Variants in PIEZO2 observed in about 807,000 individuals in gnomAD.
PIEZO2 encodes the protein piezo type mechanosensitive ion channel component 2, also known as piezo-type mechanosensitive ion channel component 2.
A neutral mutation model predicts 337.3 loss-of-function variants in PIEZO2; 172 were observed. That is an observed-to-expected ratio of 0.51 (90% CI 0.45 to 0.58). The LOEUF (loss-of-function observed/expected upper bound fraction) is 0.58, where lower values mean the gene tolerates loss of function less well. PIEZO2 is among the 20% of genes least tolerant of loss of function. PIEZO2 has a pLI of 0.00. For missense variants in PIEZO2, 3,028 were observed against 3,391.3 expected (o/e 0.89, Z 2.66); for synonymous variants, 1,251 against 1,228.5 (o/e 1.02, Z -0.38).
At chr18:10,968,440 T>C (rs1030659676) in intron 3 of PIEZO2, among the ~76,000 whole-genome samples, 2 of 152,192 alleles carry the variant, frequency 1.3e-5, no homozygotes, top group African/African-American at 4.8e-5. Context: ...TGGACACTTT[T>C]TTGGTTCCAT....
intron 3 of PIEZO2, among the ~76,000 whole-genome samples, chr18:10,934,512 T>A (rs987782675): frequency 6.6e-6 from 1 of 152,218 alleles, no homozygotes; most frequent in Non-Finnish European, 1.5e-5. Context: ...TTCATTCCTA[T>A]TTTTAAATTT....
intron 5 of PIEZO2, among the ~76,000 whole-genome samples, chr18:10,866,429 G>A (rs1598604151): frequency 6.6e-6 from 1 of 152,128 alleles, no homozygotes; most frequent in African/African-American, 2.4e-5. Flanking sequence ...GGGACTACAG[G>A]CACCCGCCAC....
intron 1 of PIEZO2, among the ~76,000 whole-genome samples, chr18:11,142,860 C>T (rs746392125): frequency 2.0e-5 from 3 of 150,956 alleles, no homozygotes; most frequent in Admixed American, 6.6e-5. Context: ...CGGGGGATCA[C>T]GAGGTCAGGA....
chr18:10,979,622 T>C lies in PIEZO2; in HGVS notation c.199A>G (p.Ser67Gly). The change falls in exon 3 of 56, where the codon AGT (serine) becomes GGT (glycine). Residue 67 changes from serine to glycine, a missense_variant. By Grantham distance (56) the Ser-to-Gly change is moderately conservative (BLOSUM62 0). This residue lies in a region of PIEZO2 where 542 missense variants were observed against 605.6 expected (regional missense o/e 0.89). Transcript: ENST00000674853. The surrounding 1 kb of genome is among the most constrained non-coding windows in gnomAD (Gnocchi z 4.0). ...ATGTGCAGCAACAGGAAGGAAAGAC[T>C]GATGAAGCACAGAGACTTTAATAAC... ...GRLLKSLCFI[S>G]LSFLLLHIIF... 2 of 1,535,992 alleles carry C rather than the reference T, an allele frequency of 1.3e-6. No individual in the cohort carries two copies. Among genetic ancestry groups the C allele is most frequent in the Non-Finnish European group, 1.7e-6 (2 of 1,145,990 alleles).
Position 10,861,595 on chromosome 18 carries a change from C to G in PIEZO2, c.493-4384G>C, listed in dbSNP as rs2041874455. Among the ~76,000 whole-genome samples, 1 of 152,142 alleles carries G rather than the reference C, an allele frequency of 6.6e-6. No homozygotes were observed. Among genetic ancestry groups the G allele is most frequent in the African/African-American group, 2.4e-5 (1 of 41,422 alleles). ...AGAGTAGAGGGGTAGTTACCAGAGG[C>G]TGGGGAAGGAGGCCAGGGACCTGGA... On this transcript the variant is annotated intron_variant, in intron 5 of 55. Coordinates refer to ENST00000674853, the MANE Select transcript of PIEZO2 (RefSeq NM_001378183.1). The surrounding 1 kb of genome is among the most constrained non-coding windows in gnomAD (Gnocchi z 4.3).
chr18:10,866,395 C>T (rs1432904224), intron 5 of PIEZO2, among the ~76,000 whole-genome samples: 1 of 151,866 alleles, frequency 6.6e-6, no homozygotes, highest in African/African-American at 2.4e-5. Flanking sequence ...AAGCGATTCT[C>T]CTGCCTCAGC....
chr18:10,671,413 A>G lies in PIEZO2; in HGVS notation c.*114T>C. On this transcript the variant is annotated 3_prime_UTR_variant, in exon 56 of 56. Coordinates refer to ENST00000674853, the MANE Select transcript of PIEZO2 (RefSeq NM_001378183.1). ...TATCAGCTCCTTTTGTCTACCTATC[A>G]GAAGAGAAACAAACCATTTCCGTCG... is the stretch of plus-strand genomic sequence containing the variant. 8.5e-7 allele frequency: 1 copy of G among 1,172,068 alleles called. No individual in the cohort carries two copies. Among genetic ancestry groups the G allele is most frequent in the Non-Finnish European group, 1.2e-6 (1 of 858,088 alleles). 72.6% of individuals were successfully genotyped at this position (1,172,068 alleles called of 1,614,324 possible). A position where few individuals can be genotyped will look rare whatever the true frequency, so the allele number is the denominator to read the frequency against.
At chr18:11,051,992 A>C (rs956351839) in intron 2 of PIEZO2, among the ~76,000 whole-genome samples, 1 of 152,180 alleles carries the variant, frequency 6.6e-6, no homozygotes, top group South Asian at 2.1e-4. Context: ...GGCAGTTTCA[A>C]TTTTTCAATA....
At chr18:11,074,768 T>C (rs1334244253) in intron 1 of PIEZO2, among the ~76,000 whole-genome samples, 2 of 152,236 alleles carry the variant, frequency 1.3e-5, no homozygotes, top group African/African-American at 4.8e-5. Context: ...ATAACATTTG[T>C]AAAAATACTT....
At position 10,979,265 on chromosome 18, in the gene PIEZO2, A is replaced by T. The variant is rs12458169; in HGVS notation, c.286+270T>A. ...TCTGTAACTCTTGAATTTTAGGTTAAGCTCAATGAAAATGTCTTACATGCA... is the reference window on the plus strand; with the variant it reads ...TCTGTAACTCTTGAATTTTAGGTTATGCTCAATGAAAATGTCTTACATGCA... On this transcript the variant is annotated intron_variant, in intron 3 of 55. Transcript: ENST00000674853. This position sits in a 1 kb window ranked among gnomAD's most constrained non-coding sequence, Gnocchi z 4.0. Among the ~76,000 whole-genome samples, 30,312 of 151,516 alleles carry T rather than the reference A, an allele frequency of 0.2. 3,832 individuals carry two copies. Among genetic ancestry groups the T allele is most frequent in the Non-Finnish European group, 0.28 (19,202 of 67,868 alleles).
At chr18:10,698,769 C>A (rs1390096120) in intron 44 of PIEZO2, among the ~76,000 whole-genome samples, 156 bp downstream of exon 44, 2 of 152,156 alleles carry the variant, frequency 1.3e-5, no homozygotes, top group South Asian at 4.1e-4. Flanking sequence ...GATTTGAACT[C>A]GGGTTTCTCT....
intron 1 of PIEZO2, among the ~76,000 whole-genome samples, chr18:11,073,478 C>T (rs1284532710): frequency 6.6e-6 from 1 of 152,168 alleles, no homozygotes; most frequent in Non-Finnish European, 1.5e-5. Context: ...ACTGAGATTT[C>T]CACCCAAAAG....
intron 13 of PIEZO2, among the ~76,000 whole-genome samples, chr18:10,792,038 C>G (rs550233092): frequency 6.6e-6 from 1 of 152,328 alleles, no homozygotes; most frequent in South Asian, 2.1e-4. Context: ...CCTCTGCCTC[C>G]TGGATTCAAG....
In PIEZO2 at chr18:10,750,387, C is replaced by T. The variant is rs936775649; in HGVS notation, c.4168-200G>A. Among the ~76,000 whole-genome samples the T allele has an allele frequency of 3.9e-5, 6 of 152,124 alleles. No homozygotes were observed. The highest frequency in any genetic ancestry group is 3.9e-4 in the East Asian group (2 of 5,188). On this transcript the variant is annotated intron_variant, in intron 28 of 55. Transcript: ENST00000674853. The surrounding 1 kb of genome is among the most constrained non-coding windows in gnomAD (Gnocchi z 4.1). ...AATTCCTGGGAAAAATTAAACCTAA[C>T]GAGGAAAGGAAAGGTCTTTCATGTA... is the stretch of plus-strand genomic sequence containing the variant.
At position 10,762,921 on chromosome 18, in the gene PIEZO2, C is replaced by T; in HGVS notation, c.3123+1G>A. On this transcript the variant is annotated splice_donor_variant, in intron 22 of 55. Coordinates refer to ENST00000674853, the MANE Select transcript of PIEZO2 (RefSeq NM_001378183.1). LOFTEE classifies it high-confidence loss of function. ...AATATTCCCCCATCACCGAGGCTCA[C>T]CAAGGAACAGTTAACAGAGAAGTTC... 2 of 1,536,616 alleles carry T rather than the reference C, an allele frequency of 1.3e-6. No individual in the cohort carries two copies. Among genetic ancestry groups the T allele is most frequent in the Non-Finnish European group, 1.7e-6 (2 of 1,146,648 alleles).
chr18:10,978,087 C>T (rs1290057410), intron 3 of PIEZO2, among the ~76,000 whole-genome samples: 1 of 152,074 alleles, frequency 6.6e-6, no homozygotes, highest in Non-Finnish European at 1.5e-5. Flanking sequence ...CTTTGGGAGG[C>T]CGAGGCAGGC....
intron 26 of PIEZO2, among the ~76,000 whole-genome samples, chr18:10,758,431 C>T (rs2037976870): frequency 6.6e-6 from 1 of 152,090 alleles, no homozygotes; most frequent in Non-Finnish European, 1.5e-5. Flanking sequence ...TCATGAGTCT[C>T]TTAGAGGGTA....
chr18:10,759,219 GTGTGTGTGTT>G lies in PIEZO2; in HGVS notation c.3757+253_3757+262del, dbSNP rs528633048. Among the ~76,000 whole-genome samples, 3,345 of 144,688 alleles carry G rather than the reference GTGTGTGTGTT, an allele frequency of 0.023. 87 individuals are homozygous for G. Among genetic ancestry groups the G allele is most frequent in the African/African-American group, 0.065 (2,620 of 40,048 alleles). 94.9% of individuals were successfully genotyped at this position (144,688 alleles called of 152,430 possible). A position where few individuals can be genotyped will look rare whatever the true frequency, so the allele number is the denominator to read the frequency against. On this transcript the variant is annotated intron_variant, in intron 26 of 55. Coordinates refer to ENST00000674853, the MANE Select transcript of PIEZO2 (RefSeq NM_001378183.1). The surrounding 1 kb of genome is among the most constrained non-coding windows in gnomAD (Gnocchi z 5.5). ...GCTGTGTAAATGTGTGTGTGTGTGT[GTGTGTGTGTT>G]TGTGTGTGTGTGTTGGGGGAAGTGA...
chr18:10,998,387 T>C (rs2035408538), intron 2 of PIEZO2, among the ~76,000 whole-genome samples: 1 of 151,662 alleles, frequency 6.6e-6, no homozygotes, highest in African/African-American at 2.4e-5. Flanking sequence ...CACTCCTTAA[T>C]TACAGTCTTG....
Sources: gnomAD v4.1 joint callset for allele counts (sites outside exome capture counted in the v4.1 genomes callset) on GRCh38, gnomAD v4.1.1 for gene constraint, gnomAD v4.1.1 regional missense constraint, Gnocchi (gnomAD v3.1) non-coding constraint, MANE v1.5 for transcripts, NCBI Gene and HGNC (gene_info 2026-07-23, HGNC 2026-07-21) for gene names.